Variants in ARHGAP24 observed in about 807,000 individuals in gnomAD.
ARHGAP24 encodes the protein rho GTPase-activating protein 24.
A neutral mutation model predicts 76.4 loss-of-function variants in ARHGAP24; 50 were observed. That is an observed-to-expected ratio of 0.65 (90% confidence interval 0.52 to 0.83). The LOEUF is 0.83. Ranked by LOEUF, ARHGAP24 falls within the 40% of genes least tolerant of loss-of-function variation. ARHGAP24 has a pLI of 0.00. For synonymous variants in ARHGAP24, 345 were observed against 323.3 expected, an observed-to-expected ratio of 1.07 and a Z score of -0.72; for missense variants, 930 against 914.2, an observed-to-expected ratio of 1.02 and a Z score of -0.22.
intron 1 of ARHGAP24, among the ~76,000 whole-genome samples, chr4:85,491,658 A>T (rs756624771): frequency 1.3e-5 from 2 of 152,162 alleles, no homozygotes; most frequent in South Asian, 4.1e-4. Flanking sequence ...GATGGTTTTT[A>T]TCTAGGCTGT....
chr4:85,884,934 CAGTTAT>C (rs1470921169), intron 3 of ARHGAP24, among the ~76,000 whole-genome samples: 2 of 152,034 alleles, frequency 1.3e-5, no homozygotes, highest in African/African-American at 2.4e-5. Context: ...ACCTTTTACA[CAGTTAT>C]ATATGGTAAA....
chr4:85,938,252 G>A (rs1224189121), intron 4 of ARHGAP24, among the ~76,000 whole-genome samples: 1 of 152,120 alleles, frequency 6.6e-6, no homozygotes, highest in East Asian at 1.9e-4. Flanking sequence ...ATTCATCACC[G>A]CCCAGAAATA....
chr4:85,705,571 T>C (rs1229108448), intron 2 of ARHGAP24, among the ~76,000 whole-genome samples: 1 of 152,188 alleles, frequency 6.6e-6, no homozygotes, highest in Non-Finnish European at 1.5e-5. Context: ...TCCAGCATTT[T>C]TAGAAATGAC....
At chr4:85,930,338 A>C in intron 4 of ARHGAP24, 3 of 986,736 alleles carry the variant, frequency 3.0e-6, no homozygotes, top group Non-Finnish European at 3.6e-6. Flanking sequence ...GGGGGGTGCT[A>C]TAAAAGAAGC....
intron 3 of ARHGAP24, among the ~76,000 whole-genome samples, chr4:85,828,883 G>A (rs776922075): frequency 1.1e-4 from 17 of 152,030 alleles, no homozygotes; most frequent in African/African-American, 1.9e-4. Flanking sequence ...TCTGAGACTC[G>A]TATTTGAGAA....
At chr4:85,521,195 G>A (rs1724731905) in intron 1 of ARHGAP24, among the ~76,000 whole-genome samples, 3 of 152,056 alleles carry the variant, frequency 2.0e-5, no homozygotes, top group African/African-American at 7.2e-5. Context: ...ACTGACTCTT[G>A]AAATAGCATG....
chr4:85,742,784 C>G lies in ARHGAP24; in HGVS notation c.268+20812C>G, dbSNP rs757815941. On this transcript the variant is annotated intron_variant, in intron 3 of 9. Coordinates refer to ENST00000395184, the MANE Select transcript of ARHGAP24 (RefSeq NM_001025616.3). ...TTAAAATATCACTAGCTAGCCTGTA[C>G]GTTTCTTAGGAGGCAAAAACAATTG... 3.9e-5 allele frequency among the ~76,000 whole-genome samples: 6 copies of G among 152,082 alleles called. 1 individual carries two copies. The highest frequency in any genetic ancestry group is 5.9e-5 in the Non-Finnish European group (4 of 68,008).
chr4:85,490,521 A>T (rs183158079), intron 1 of ARHGAP24, among the ~76,000 whole-genome samples: 2 of 152,220 alleles, frequency 1.3e-5, no homozygotes, highest in African/African-American at 4.8e-5. Flanking sequence ...TTTAGAATTC[A>T]TTCACACATG....
At chr4:85,928,046 T>G (rs1736111424) in intron 4 of ARHGAP24, among the ~76,000 whole-genome samples, 1 of 152,138 alleles carries the variant, frequency 6.6e-6, no homozygotes, top group Non-Finnish European at 1.5e-5. Context: ...AAGGGAAACG[T>G]GAAAAGTGTT....
At chr4:85,560,861 G>A (rs898035849) in intron 1 of ARHGAP24, among the ~76,000 whole-genome samples, 6 of 152,130 alleles carry the variant, frequency 3.9e-5, no homozygotes, top group African/African-American at 1.4e-4. Flanking sequence ...TGGTCATGAT[G>A]TCCTTGCATT....
intron 3 of ARHGAP24, among the ~76,000 whole-genome samples, chr4:85,903,135 G>A (rs1710613387): frequency 6.6e-6 from 1 of 152,200 alleles, no homozygotes; most frequent in Admixed American, 6.5e-5. Context: ...AAAGCACTGT[G>A]TTGAGTTTTT....
intron 3 of ARHGAP24, among the ~76,000 whole-genome samples, chr4:85,874,294 G>A (rs1303404584): frequency 6.6e-6 from 1 of 152,020 alleles, no homozygotes; most frequent in Admixed American, 6.6e-5. Flanking sequence ...GCTTCTAATC[G>A]ATACCATTTT....
chr4:85,797,327 C>T (rs1256577108), intron 3 of ARHGAP24, among the ~76,000 whole-genome samples: 3 of 152,128 alleles, frequency 2.0e-5, no homozygotes, highest in Middle Eastern at 6.8e-3. Flanking sequence ...CGCCCGCCAC[C>T]ACGCCCAGCT....
chr4:85,869,190 T>C (rs188263774), intron 3 of ARHGAP24, among the ~76,000 whole-genome samples: 1 of 152,290 alleles, frequency 6.6e-6, no homozygotes, highest in African/African-American at 2.4e-5. Context: ...AGGGTTTCTA[T>C]ATCTGACGTA....
intron 3 of ARHGAP24, among the ~76,000 whole-genome samples, chr4:85,878,783 A>G (rs1733079210): frequency 6.6e-6 from 1 of 152,180 alleles, no homozygotes; most frequent in African/African-American, 2.4e-5. Flanking sequence ...TAAGAGATTA[A>G]TAGAACAGCA....
intron 3 of ARHGAP24, among the ~76,000 whole-genome samples, chr4:85,853,948 T>C (rs1310822614): frequency 1.1e-4 from 15 of 135,936 alleles, no homozygotes; most frequent in African/African-American, 3.8e-4. Context: ...CCAGAATCGG[T>C]CAAAAACAAA....
intron 3 of ARHGAP24, among the ~76,000 whole-genome samples, chr4:85,767,737 A>G (rs1408684245): frequency 6.6e-6 from 1 of 152,228 alleles, no homozygotes; most frequent in East Asian, 1.9e-4. Flanking sequence ...GCTGATGTTA[A>G]CAAGGATCAT....
chr4:85,887,580 T>C (rs1733632133), intron 3 of ARHGAP24, among the ~76,000 whole-genome samples: 1 of 152,160 alleles, frequency 6.6e-6, no homozygotes, highest in Admixed American at 6.5e-5. Context: ...GTTGTAAATA[T>C]TTTACAACAC....
At chr4:85,659,260 G>A (rs1398632940) in intron 2 of ARHGAP24, among the ~76,000 whole-genome samples, 1 of 152,196 alleles carries the variant, frequency 6.6e-6, no homozygotes, top group African/African-American at 2.4e-5. Context: ...GATGCTACCA[G>A]TAACAGAATG....
Sources: allele counts gnomAD v4.1 joint callset (sites outside exome capture counted in the v4.1 genomes callset), GRCh38; gene constraint gnomAD v4.1.1; transcripts MANE v1.5; gene names NCBI Gene and HGNC (gene_info 2026-07-23, HGNC 2026-07-21).